Variants in CTBP1 observed in about 807,000 individuals in gnomAD.
CTBP1 encodes C-terminal binding protein 1, also known as C-terminal-binding protein 1.
In CTBP1, 11 loss-of-function variants were observed where a neutral mutation model predicts 42.1. The observed-to-expected ratio is 0.26, with a 90% CI of 0.16 to 0.43. CTBP1 has a LOEUF of 0.43. Ranked by LOEUF, CTBP1 falls within the 20% of genes least tolerant of loss-of-function variation. The pLI is 1.00. For missense variants in CTBP1, 399 were observed against 624.3 expected, an observed-to-expected ratio of 0.64 and a Z score of 3.85; for synonymous variants, 324 against 277.1, an observed-to-expected ratio of 1.17 and a Z score of -1.68.
chr4:1,228,341 G>C lies in CTBP1; in HGVS notation c.165C>G (p.Val55=). ...AQSTQEIHEK[V]LNEAVGALMY... ...TCAGGGCCCCCACAGCCTCGTTCAG[G>C]ACCTGCAGCGAGAAAGCACACAGGC... The change falls in exon 4 of 10, where the codon GTC becomes GTG. Residue 55 remains valine, a splice_region_variant and synonymous_variant. Transcript: ENST00000382952. The C allele has an allele frequency of 1.2e-6, 2 of 1,612,844 alleles. No individual in the cohort carries two copies. Among genetic ancestry groups the C allele is most frequent in the Non-Finnish European group, 1.7e-6 (2 of 1,179,076 alleles).
In CTBP1 at chr4:1,247,792, G is replaced by A. The variant is rs966637219; in HGVS notation, c.-189+1124C>T. Among the ~76,000 whole-genome samples the A allele has an allele frequency of 3.9e-5, 6 of 152,052 alleles. No homozygotes were observed. In the East Asian group the frequency reaches 7.8e-4, roughly 20 times the overall value. On this transcript the variant is annotated intron_variant, in intron 1 of 9. Coordinates refer to ENST00000382952, the MANE Select transcript of CTBP1 (RefSeq NM_001012614.2). Reference sequence around the variant, plus strand: ...AGGGGGGGGGGGCTCGGGCTCAACGGAACACCCTGCGCACCCGCCGCCTCG... The same window carrying A: ...AGGGGGGGGGGGCTCGGGCTCAACGAAACACCCTGCGCACCCGCCGCCTCG...
chr4:1,229,680 G>T (rs1730758420), intron 3 of CTBP1, among the ~76,000 whole-genome samples: 1 of 152,246 alleles, frequency 6.6e-6, no homozygotes, highest in Non-Finnish European at 1.5e-5. Context: ...CCTGGGCAGA[G>T]CAGCTGGTGT....
chr4:1,247,514 C>T (rs2108810988), intron 1 of CTBP1, among the ~76,000 whole-genome samples: 1 of 152,240 alleles, frequency 6.6e-6, no homozygotes, highest in South Asian at 2.1e-4. Context: ...CCACGCCCTA[C>T]AAAGTTCCAG....
chr4:1,240,192 G>C (rs972880665), intron 2 of CTBP1, among the ~76,000 whole-genome samples: 14 of 147,936 alleles, frequency 9.5e-5, no homozygotes, highest in African/African-American at 3.2e-4. Flanking sequence ...GGGGACTCCC[G>C]GGTGCTGGGT....
Position 1,227,874 on chromosome 4 carries a change from G to T in CTBP1, c.307+325C>A, listed in dbSNP as rs1050576973. Among the ~76,000 whole-genome samples, 5 of 152,208 alleles carry T rather than the reference G, an allele frequency of 3.3e-5. No individual in the cohort carries two copies. In the East Asian group the frequency reaches 9.6e-4, roughly 29 times the overall value. On this transcript the variant is annotated intron_variant, in intron 4 of 9. Transcript: ENST00000382952. ...ACAGAGACCTATGAGCCCTATTACA[G>T]CCATACACTGACGGCCCTGCCCTCA...
Position 1,238,856 on chromosome 4 carries a change from G to A in CTBP1, c.8-519C>T, listed in dbSNP as rs1375199805. On this transcript the variant is annotated intron_variant, in intron 2 of 9. Coordinates refer to ENST00000382952, the MANE Select transcript of CTBP1 (RefSeq NM_001012614.2). The surrounding 1 kb of genome is among the most constrained non-coding windows in gnomAD (Gnocchi z 5.9). ...CGAGACCCCAGGGCAGCTCCATGAG[G>A]CAGGGGGACAGGAGGGACCCAGGAC... Among the ~76,000 whole-genome samples, 1 of 151,714 alleles carries A rather than the reference G, an allele frequency of 6.6e-6. No individual in the cohort carries two copies. Among genetic ancestry groups the A allele is most frequent in the Admixed American group, 6.6e-5 (1 of 15,208 alleles).
At position 1,248,935 on chromosome 4, in the gene CTBP1, G is replaced by A. The variant is rs748228727; in HGVS notation, c.-208C>T. The A allele has an allele frequency of 4.1e-5, 41 of 1,010,654 alleles. No individual in the cohort carries two copies. Among genetic ancestry groups the A allele is most frequent in the Non-Finnish European group, 4.9e-5 (41 of 840,758 alleles). 62.6% of individuals were successfully genotyped at this position (1,010,654 alleles called of 1,614,324 possible). ...CCTTACCAAGCGGCAGGCCCTTGTT[G>A]AGCAAGTGCGAGCTGCCCATCGAGA... On this transcript the variant is annotated 5_prime_UTR_variant, in exon 1 of 10. Transcript: ENST00000382952.
At chr4:1,241,817 G>A (rs1485399895) in intron 1 of CTBP1, 2 of 1,171,858 alleles carry the variant, frequency 1.7e-6, no homozygotes, top group South Asian at 1.7e-5. Context: ...ACAGGCTCTA[G>A]CCGCATCCAG....
intron 1 of CTBP1, among the ~76,000 whole-genome samples, chr4:1,247,772 G>GGA (rs745687154): frequency 5.7e-5 from 3 of 52,372 alleles, no homozygotes; most frequent in South Asian, 7.7e-4. Flanking sequence ...CGGGGAGGGG[G>GGA]GGGGGGCTCG....
chr4:1,245,763 G>C (rs1732657497), intron 1 of CTBP1, among the ~76,000 whole-genome samples: 1 of 152,114 alleles, frequency 6.6e-6, no homozygotes, highest in East Asian at 1.9e-4. Flanking sequence ...CGGGTAGGCA[G>C]GGTGGCTTGG....
intron 9 of CTBP1, 45 bp downstream of exon 9, chr4:1,212,868 C>G: frequency 6.5e-7 from 1 of 1,535,868 alleles, no homozygotes; most frequent in South Asian, 1.1e-5. Context: ...CAGGGGAAGC[C>G]TGGGGCCCTC....
rs370754397 is a variant in CTBP1 at position 1,245,332 on chromosome 4, G to A, written c.-189+3584C>T. 10 of 985,428 alleles carry A rather than the reference G, an allele frequency of 1.0e-5. No homozygotes were observed. In the South Asian group the frequency reaches 1.9e-4, roughly 19 times the overall value. 61.0% of individuals were successfully genotyped at this position (985,428 alleles called of 1,614,324 possible). A position where few individuals can be genotyped will look rare whatever the true frequency, so the allele number is the denominator to read the frequency against. ...CCGCACGTTTCCCTGTTTGTTCAGC[G>A]AGCACATGCACACAACCTGTGAGCT... On this transcript the variant is annotated intron_variant, in intron 1 of 9. Transcript: ENST00000382952.
chr4:1,215,223 AAAGG>A (rs1358962150), intron 6 of CTBP1, among the ~76,000 whole-genome samples: 7 of 152,234 alleles, frequency 4.6e-5, no homozygotes, highest in Non-Finnish European at 1.0e-4. Context: ...CTCTGTGAAC[AAAGG>A]AAGGGGCAGC....
At chr4:1,231,972 G>A (rs1264695107) in intron 3 of CTBP1, among the ~76,000 whole-genome samples, 1 of 152,260 alleles carries the variant, frequency 6.6e-6, no homozygotes, top group Non-Finnish European at 1.5e-5. Flanking sequence ...CGCTCTGTCT[G>A]TACCAAACGC....
intron 1 of CTBP1, chr4:1,244,353 C>CTG: frequency 5.0e-6 from 3 of 604,704 alleles, no homozygotes; most frequent in Non-Finnish European, 5.7e-6. Flanking sequence ...TCTCTGGGCA[C>CTG]TGGGGGGGGG....
chr4:1,246,585 T>C (rs890206667), intron 1 of CTBP1, among the ~76,000 whole-genome samples: 12 of 152,212 alleles, frequency 7.9e-5, no homozygotes, highest in Admixed American at 2.0e-4. Flanking sequence ...GCAACACTAG[T>C]GGTGCCAGCC....
rs899840235 is a variant in CTBP1, at chr4:1,241,661, G to A, written c.-188-142C>T. 9 of 1,309,816 alleles carry A rather than the reference G, an allele frequency of 6.9e-6. No homozygotes were observed. The African/African-American group carries it at 9.0e-5, about 13-fold the overall frequency. The allele number at this position is 1,309,816 out of a possible 1,614,324, so 81.1% of individuals were successfully genotyped here. The stretch of plus-strand genomic sequence containing the variant: ...CTGTCTGGGACCTACCTGGACTCGG[G>A]GGCCTGCTGACAGCCAGGGGCCCCG... On this transcript the variant is annotated intron_variant, in intron 1 of 9. Transcript: ENST00000382952.
At chr4:1,245,987 G>A (rs950009202) in intron 1 of CTBP1, among the ~76,000 whole-genome samples, 15 of 152,216 alleles carry the variant, frequency 9.9e-5, no homozygotes, top group Admixed American at 3.9e-4. Flanking sequence ...CAAGGTTAAC[G>A]TTTGGCTCGG....
At chr4:1,219,655 G>T (rs984682649) in intron 5 of CTBP1, among the ~76,000 whole-genome samples, 12 of 152,254 alleles carry the variant, frequency 7.9e-5, no homozygotes, top group African/African-American at 2.9e-4. Context: ...ATGTAAATCT[G>T]TGTTTATCTG....
Sources: allele counts gnomAD v4.1 joint callset (sites outside exome capture counted in the v4.1 genomes callset), GRCh38; gene constraint gnomAD v4.1.1; non-coding constraint Gnocchi (gnomAD v3.1); transcripts MANE v1.5; gene names NCBI Gene and HGNC (gene_info 2026-07-23, HGNC 2026-07-21).